The following ZNF469 variants were observed in gnomAD, a reference collection of about 807,000 sequenced individuals.
The protein encoded by ZNF469 is zinc finger protein 469.
ZNF469 carries 1 observed loss-of-function variant against 1.0 expected under a neutral mutation model. That is an observed-to-expected ratio of 1.00 (90% CI 0.35 to 4.73). ZNF469 has a LOEUF of 4.73. ZNF469 is among the 30% of genes most tolerant of loss of function. ZNF469 has a pLI of 0.16. For synonymous variants in ZNF469, 2,703 were observed against 2,363.4 expected (o/e 1.14, Z -4.17); for missense variants, 6,100 against 5,356.3 (o/e 1.14, Z -4.33).
the ZNF469 span, among the ~76,000 whole-genome samples, chr16:88,214,231 C>T: frequency 6.6e-6 from 1 of 152,204 alleles, no homozygotes; most frequent in South Asian, 2.1e-4. Context: ...CTGATAGCCT[C>T]TTGATGAGAG....
At chr16:88,295,488 A>T in the ZNF469 span, among the ~76,000 whole-genome samples, 2 of 151,860 alleles carry the variant, frequency 1.3e-5, no homozygotes, top group Admixed American at 6.6e-5. Context: ...TTGGGCCCCC[A>T]GGATGTGGCA....
the ZNF469 span, among the ~76,000 whole-genome samples, chr16:88,305,702 A>G: frequency 6.6e-6 from 1 of 152,164 alleles, no homozygotes; most frequent in Non-Finnish European, 1.5e-5. Flanking sequence ...GCATGACCAT[A>G]CATGCATACT....
chr16:88,117,607 G>GTGGAGGTGCCATGTGCCTTCGGGGACCA, the ZNF469 span, among the ~76,000 whole-genome samples: 12 of 148,816 alleles, frequency 8.1e-5, no homozygotes, highest in African/African-American at 2.7e-4. Flanking sequence ...TTCGGGGACC[G>GTGGAGGTGCCATGTGCCTTCGGGGACCA]TGGAGGTGCC....
In ZNF469 at chr16:88,435,931, C is replaced by T. The variant is rs1906539308; in HGVS notation, c.8461C>T (p.Leu2821Phe). ...DSTTSSCLQG[L>F]PDNPDTQGGV... ...CACCACCAGCAGCTGCCTCCAGGGCCTCCCGGACAACCCAGACACCCAGGG... is the reference window on the plus strand; with the variant it reads ...CACCACCAGCAGCTGCCTCCAGGGCTTCCCGGACAACCCAGACACCCAGGG... Residue 2821 changes from leucine (L) to phenylalanine (F), a missense_variant, in exon 3 of 3, where the codon CTC becomes TTC. Leu to Phe is a conservative substitution (Grantham distance 22). Coordinates refer to ENST00000565624, the MANE Select transcript of ZNF469 (RefSeq NM_001367624.2). 1.9e-6 allele frequency: 3 copies of T among 1,550,100 alleles called. No individual in the cohort carries two copies. Among genetic ancestry groups the T allele is most frequent in the Non-Finnish European group, 2.6e-6 (3 of 1,146,982 alleles).
Position 88,436,798 on chromosome 16 carries a change from G to A in ZNF469, c.9328G>A (p.Gly3110Ser). Residue 3110 changes from glycine to serine, a missense_variant, in exon 3 of 3, where the codon GGC (glycine) becomes AGC (serine). Transcript: ENST00000565624. ...CCAAGGCAGAGGCCGGCCGGCCAAG[G>A]GCAGGCGGGCCTCCTACAAGTGCAA... Reference protein sequence around the residue: ...RAQGRGRPAKGRRASYKCKVC... With the variant: ...RAQGRGRPAKSRRASYKCKVC... 1.9e-6 allele frequency: 3 copies of A among 1,542,634 alleles called. No individual in the cohort carries two copies. The highest frequency in any genetic ancestry group is 2.4e-5 in the East Asian group (1 of 40,882).
the ZNF469 span, among the ~76,000 whole-genome samples, chr16:88,146,901 T>C: frequency 6.6e-6 from 1 of 151,838 alleles, no homozygotes. Context: ...GAGAGGGCAG[T>C]GGGGCTTCCA....
the ZNF469 span, among the ~76,000 whole-genome samples, chr16:88,138,713 C>T: frequency 6.6e-6 from 1 of 152,214 alleles, no homozygotes; most frequent in Non-Finnish European, 1.5e-5. Context: ...GTAAACTAGA[C>T]ATAAAAAGCA....
chr16:88,277,398 T>A, the ZNF469 span, among the ~76,000 whole-genome samples: 3 of 147,094 alleles, frequency 2.0e-5, no homozygotes, highest in Non-Finnish European at 3.0e-5. Context: ...TGACACTCGG[T>A]CAGTACCATG....
upstream of ZNF469, among the ~76,000 whole-genome samples, chr16:88,381,238 TCA>T (rs1236428239): frequency 1.2e-4 from 9 of 72,148 alleles, no homozygotes; most frequent in East Asian, 1.6e-3. Flanking sequence ...ACACACGCAC[TCA>T]CAGACATGCA....
At chr16:88,398,725 C>T (rs1015062351) in intron 1 of ZNF469, among the ~76,000 whole-genome samples, 62 of 151,978 alleles carry the variant, frequency 4.1e-4, no homozygotes, top group African/African-American at 1.5e-3. Context: ...GAAGGGAACA[C>T]GTGAGTCCCA....
chr16:88,395,095 A>G (rs933120574), intron 1 of ZNF469, among the ~76,000 whole-genome samples: 1 of 152,176 alleles, frequency 6.6e-6, no homozygotes, highest in African/African-American at 2.4e-5. Flanking sequence ...GGACCCTTCT[A>G]CTTTGAGGTG....
intron 1 of ZNF469, among the ~76,000 whole-genome samples, chr16:88,390,404 G>A (rs1904454106): frequency 6.6e-6 from 1 of 152,184 alleles, no homozygotes; most frequent in South Asian, 2.1e-4. Context: ...GGGGAGGCAG[G>A]CCAGACTGCG....
chr16:88,286,978 AGCTTAGGAAT>A, the ZNF469 span, among the ~76,000 whole-genome samples: 1 of 152,156 alleles, frequency 6.6e-6, no homozygotes, highest in African/African-American at 2.4e-5. Flanking sequence ...AGCTCAAATG[AGCTTAGGAAT>A]GCCTAAGTCC....
the ZNF469 span, among the ~76,000 whole-genome samples, chr16:88,203,814 G>A: frequency 6.6e-6 from 1 of 152,076 alleles, no homozygotes; most frequent in Non-Finnish European, 1.5e-5. Flanking sequence ...CTACTCCAGC[G>A]CAACCTCATC....
Position 88,438,558 on chromosome 16 carries a change from A to T in ZNF469, c.11088A>T (p.Pro3696=), listed in dbSNP as rs762301880. 23 of 1,550,012 alleles carry T rather than the reference A, an allele frequency of 1.5e-5. No homozygotes were observed. The highest frequency in any genetic ancestry group is 3.6e-5 in the South Asian group (3 of 84,074). The change falls in exon 3 of 3, where the codon CCA becomes CCT. Residue 3696 remains proline (P), a synonymous_variant. Coordinates refer to ENST00000565624, the MANE Select transcript of ZNF469 (RefSeq NM_001367624.2). The stretch of plus-strand genomic sequence containing the variant: ...CCCCCAGCAAAGCACTCAAGTTCCC[A>T]GTGCACCCAAGGAAGGCGGTGGGGA... ...ASTPSKALKF[P]VHPRKAVGSL... is the part of the protein sequence containing the mutation.
At chr16:88,261,922 G>C in the ZNF469 span, among the ~76,000 whole-genome samples, 1 of 152,134 alleles carries the variant, frequency 6.6e-6, no homozygotes, top group Non-Finnish European at 1.5e-5. The surrounding 1 kb of genome is among the most constrained non-coding windows in gnomAD (Gnocchi z 6.0). Flanking sequence ...CCCAAGGAAG[G>C]CCTCACACCC....
Position 88,434,616 on chromosome 16 carries a change from C to G in ZNF469, c.7146C>G (p.Thr2382=), listed in dbSNP as rs1359000816. The G allele has an allele frequency of 1.3e-6, 2 of 1,550,312 alleles. No individual in the cohort carries two copies. Among genetic ancestry groups the G allele is most frequent in the Admixed American group, 2.0e-5 (1 of 51,004 alleles). ...GCAAGGAGCCGGAGGACCCAGGGACCCCTGAGACCGGGCGCTCTGGTGCTA... is the reference window on the plus strand; with the variant it reads ...GCAAGGAGCCGGAGGACCCAGGGACGCCTGAGACCGGGCGCTCTGGTGCTA... ...TSSKEPEDPG[T]PETGRSGATK... The change falls in exon 3 of 3, where the codon ACC becomes ACG. Residue 2382 remains threonine, a synonymous_variant. Coordinates refer to ENST00000565624, the MANE Select transcript of ZNF469 (RefSeq NM_001367624.2).
At chr16:88,178,626 A>C in the ZNF469 span, 39 of 152,162 alleles carry the variant, frequency 2.6e-4, no homozygotes, top group Admixed American at 7.2e-4. Context: ...TTTGTTTTTA[A>C]GGAAGTTTAA....
chr16:88,315,230 C>T, the ZNF469 span, among the ~76,000 whole-genome samples: 12 of 152,206 alleles, frequency 7.9e-5, no homozygotes, highest in South Asian at 2.1e-4. Context: ...CACTGTGAAA[C>T]GGGCGCACGA....
Sources: allele counts gnomAD v4.1 joint callset (sites outside exome capture counted in the v4.1 genomes callset), GRCh38; gene constraint gnomAD v4.1.1; non-coding constraint Gnocchi (gnomAD v3.1); transcripts MANE v1.5; gene names NCBI Gene and HGNC (gene_info 2026-07-23, HGNC 2026-07-21).